PARVB: variants seen among roughly 807,000 people sequenced by gnomAD.
PARVB encodes the protein beta-parvin.
Under a neutral mutation model 47.0 loss-of-function variants are expected in PARVB, and 46 were observed. The observed-to-expected ratio is 0.98, with a 90% CI of 0.77 to 1.25. PARVB has a LOEUF of 1.25. PARVB is among the 50% of genes most tolerant of loss of function. The probability of loss-of-function intolerance (pLI) is 0.00; values close to 1 mark genes in which losing one functional copy is unlikely to be tolerated. For missense variants in PARVB, 473 were observed against 471.6 expected, an observed-to-expected ratio of 1.00 and a Z score of -0.03; for synonymous variants, 196 against 196.3, an observed-to-expected ratio of 1.00 and a Z score of 0.01.
At chr22:44,127,417 G>C (rs192199914) in intron 4 of PARVB, among the ~76,000 whole-genome samples, 2 of 152,328 alleles carry the variant, frequency 1.3e-5, no homozygotes, top group South Asian at 2.1e-4. Flanking sequence ...GTGATCACCT[G>C]ATCCTTGAGC....
Position 44,049,478 on chromosome 22 carries a change from T to A in PARVB, c.112+25027T>A, listed in dbSNP as rs1428942856. Among the ~76,000 whole-genome samples, 2 of 152,248 alleles carry A rather than the reference T, an allele frequency of 1.3e-5. No homozygotes were observed. Among genetic ancestry groups the A allele is most frequent in the African/African-American group, 4.8e-5 (2 of 41,456 alleles). ...AAATTTGGATTTGCTCCACTCTTTT[T>A]CACGGGCATAAAAATATCTGCGGAG... On this transcript the variant is annotated intron_variant, in intron 1 of 12. Transcript: ENST00000338758. This position sits in a 1 kb window ranked among gnomAD's most constrained non-coding sequence, Gnocchi z 4.0.
At chr22:44,002,341 A>G (rs981739317) in intron 2 of PARVB, among the ~76,000 whole-genome samples, 1 of 152,228 alleles carries the variant, frequency 6.6e-6, no homozygotes, top group Non-Finnish European at 1.5e-5. Context: ...GAGAATGCCC[A>G]TAAGGGCTAA....
chr22:44,099,926 G>C (rs1456275954), intron 2 of PARVB, 127 bp from the exon 3 acceptor site: 2 of 747,484 alleles, frequency 2.7e-6, no homozygotes, highest in East Asian at 2.6e-5. Flanking sequence ...GTTCCTTGCA[G>C]TCACCCTCCC....
At chr22:44,041,820 G>C (rs2051024186) in intron 1 of PARVB, among the ~76,000 whole-genome samples, 1 of 152,124 alleles carries the variant, frequency 6.6e-6, no homozygotes. Context: ...GGAAGGCTGA[G>C]GCTGCAGTGA....
intron 1 of PARVB, among the ~76,000 whole-genome samples, chr22:44,075,066 G>A (rs762693729): frequency 1.9e-4 from 29 of 152,190 alleles, no homozygotes; most frequent in Non-Finnish European, 3.8e-4. Context: ...ACAACCCAAA[G>A]TGTCTCCAGA....
intron 4 of PARVB, among the ~76,000 whole-genome samples, chr22:44,124,609 G>A (rs566381443): frequency 2.0e-4 from 28 of 141,702 alleles, no homozygotes; most frequent in Admixed American, 1.8e-3. Context: ...GGGTCTCCCC[G>A]TGGGCCATCC....
rs966969180 is a variant in PARVB at position 44,170,727 on chromosome 22, G to A, written c.*2049G>A. On this transcript the variant is annotated 3_prime_UTR_variant, in exon 13 of 13. Transcript: ENST00000338758. ...AGGGTGATGACCCGCTGACCCCCTGGGGTGCACCTGCTGCAAAGCAGCCCC... is the reference window on the plus strand; with the variant it reads ...AGGGTGATGACCCGCTGACCCCCTGAGGTGCACCTGCTGCAAAGCAGCCCC... 1 of 152,108 alleles carries A rather than the reference G, an allele frequency of 6.6e-6. No homozygotes were observed. Among genetic ancestry groups the A allele is most frequent in the Non-Finnish European group, 1.5e-5 (1 of 68,034 alleles). The allele number at this position is 152,108 out of a possible 1,614,324, so 9.4% of individuals were successfully genotyped here. A position where few individuals can be genotyped will look rare whatever the true frequency, so the allele number is the denominator to read the frequency against.
At chr22:44,119,787 A>G (rs763756153) in intron 4 of PARVB, 79 of 532,904 alleles carry the variant, frequency 1.5e-4, no homozygotes, top group Middle Eastern at 6.9e-4. Context: ...GAATGGTTAC[A>G]GTTACTGTTC....
At position 44,151,503 on chromosome 22, in the gene PARVB, C is replaced by A. The variant is rs2053808234; in HGVS notation, c.795C>A (p.Asn265Lys). The A allele has an allele frequency of 6.2e-7, 1 of 1,613,740 alleles. No individual in the cohort carries two copies. Among genetic ancestry groups the A allele is most frequent in the African/African-American group, 1.3e-5 (1 of 74,918 alleles). Reference protein sequence around the residue: ...VVKKSLITFVNKHLNKLNLEV... With the variant: ...VVKKSLITFVKKHLNKLNLEV... Reference sequence around the variant, plus strand: ...GGCAGTCTCTCATCACTTTTGTGAACAAGCACCTGAACAAGCTGAATTTGG... The same window carrying A: ...GGCAGTCTCTCATCACTTTTGTGAAAAAGCACCTGAACAAGCTGAATTTGG... Residue 265 changes from asparagine to lysine, a missense_variant, in exon 10 of 13, where the codon AAC becomes AAA. Asn to Lys is a moderately conservative substitution (Grantham distance 94). Transcript: ENST00000338758.
upstream of PARVB, among the ~76,000 whole-genome samples, chr22:44,023,578 A>AAAATAAAAT (rs2050680843): frequency 6.7e-6 from 1 of 148,638 alleles, no homozygotes; most frequent in African/African-American, 2.6e-5. Context: ...AAAATAAAAT[A>AAAATAAAAT]AAATAAAATA....
intron 3 of PARVB, chr22:44,104,805 G>A (rs1471956267): frequency 6.6e-6 from 1 of 152,252 alleles, no homozygotes; most frequent in Non-Finnish European, 1.5e-5. Flanking sequence ...CATCCCACAA[G>A]CCCACCCTCA....
At chr22:44,021,845 G>A (rs913628586), upstream of PARVB, among the ~76,000 whole-genome samples, 5 of 150,372 alleles carry the variant, frequency 3.3e-5, no homozygotes, top group East Asian at 2.0e-4. Context: ...AGGCAGAGAC[G>A]GGGCAATGCT....
chr22:44,087,557 C>A (rs1041603872), intron 1 of PARVB, among the ~76,000 whole-genome samples: 5 of 152,140 alleles, frequency 3.3e-5, no homozygotes, highest in African/African-American at 1.2e-4. Flanking sequence ...TTTCTTCTCT[C>A]CGTTAAGGTA....
intron 3 of PARVB, among the ~76,000 whole-genome samples, chr22:44,118,653 G>GA (rs1233736401): frequency 6.6e-6 from 1 of 152,194 alleles, no homozygotes; most frequent in African/African-American, 2.4e-5. Context: ...GAGATGCTCT[G>GA]GTCCTAGTGG....
At chr22:44,154,510 G>A (rs1281906530) in intron 10 of PARVB, among the ~76,000 whole-genome samples, 1 of 150,906 alleles carries the variant, frequency 6.6e-6, no homozygotes, top group Non-Finnish European at 1.5e-5. Flanking sequence ...GTGTGTGTGT[G>A]TGTGTGGTTT....
At chr22:44,097,275 C>A (rs2052330793) in intron 2 of PARVB, among the ~76,000 whole-genome samples, 1 of 152,212 alleles carries the variant, frequency 6.6e-6, no homozygotes, top group Non-Finnish European at 1.5e-5. Context: ...GGGTTCCTGG[C>A]CACCCGAAGA....
At chr22:44,162,328 G>T (rs1235137273) in intron 11 of PARVB, among the ~76,000 whole-genome samples, 1 of 152,126 alleles carries the variant, frequency 6.6e-6, no homozygotes, top group African/African-American at 2.4e-5. Flanking sequence ...TTGTTTGTTT[G>T]CTTGTTTTTT....
At chr22:44,149,119 G>A (rs554854819) in intron 9 of PARVB, 2 of 152,318 alleles carry the variant, frequency 1.3e-5, no homozygotes, top group East Asian at 3.9e-4. Context: ...GTCAAGTGGG[G>A]ACAGAGATGT....
intron 11 of PARVB, among the ~76,000 whole-genome samples, chr22:44,160,735 T>A (rs1461057308): frequency 6.6e-6 from 1 of 152,198 alleles, no homozygotes; most frequent in Non-Finnish European, 1.5e-5. Flanking sequence ...AAGGAAAATC[T>A]CACTTCAAAA....
Sources: gnomAD v4.1 joint callset for allele counts (sites outside exome capture counted in the v4.1 genomes callset) on GRCh38, gnomAD v4.1.1 for gene constraint, Gnocchi (gnomAD v3.1) non-coding constraint, MANE v1.5 for transcripts, NCBI Gene and HGNC (gene_info 2026-07-23, HGNC 2026-07-21) for gene names.